Variants in GRK3 observed in about 807,000 individuals in gnomAD.
GRK3 encodes the protein G protein-coupled receptor kinase 3.
In GRK3, 54 loss-of-function variants were observed where a neutral mutation model predicts 95.7. The observed-to-expected ratio is 0.56, with a 90% CI of 0.45 to 0.71. The LOEUF is 0.71. Among genes scored for constraint, GRK3 ranks in the 30% least tolerant of loss-of-function variants. GRK3 has a pLI of 0.00. For missense variants in GRK3, 649 were observed against 851.2 expected, an observed-to-expected ratio of 0.76 and a Z score of 2.96; for synonymous variants, 281 against 290.8, an observed-to-expected ratio of 0.97 and a Z score of 0.34.
At chr22:25,631,697 G>A (rs2084665403) in intron 2 of GRK3, among the ~76,000 whole-genome samples, 1 of 152,166 alleles carries the variant, frequency 6.6e-6, no homozygotes, top group Non-Finnish European at 1.5e-5. Flanking sequence ...AAGATACAGA[G>A]CAGTTAGTTA....
intron 3 of GRK3, among the ~76,000 whole-genome samples, chr22:25,652,979 T>G (rs1050852139): frequency 2.0e-5 from 3 of 152,166 alleles, no homozygotes; most frequent in African/African-American, 7.2e-5. Context: ...CTTGTAAGCA[T>G]GCTCTGTGAT....
At chr22:25,676,790 A>C (rs2085033480) in intron 8 of GRK3, among the ~76,000 whole-genome samples, 1 of 152,134 alleles carries the variant, frequency 6.6e-6, no homozygotes, top group African/African-American at 2.4e-5. Flanking sequence ...ATATTCTTCT[A>C]TTCTATAGAT....
At chr22:25,719,946 A>G (rs1479008967) in intron 19 of GRK3, among the ~76,000 whole-genome samples, 2 of 152,208 alleles carry the variant, frequency 1.3e-5, no homozygotes, top group Non-Finnish European at 2.9e-5. Flanking sequence ...AAAAGAAAGA[A>G]GATCTTCCCA....
intron 1 of GRK3, among the ~76,000 whole-genome samples, chr22:25,571,139 C>A (rs1931687167): frequency 6.6e-6 from 1 of 152,114 alleles, no homozygotes; most frequent in East Asian, 1.9e-4. Context: ...TGAAAATAGC[C>A]AGCCCAGACC....
At chr22:25,645,702 C>T (rs1390462296) in intron 3 of GRK3, among the ~76,000 whole-genome samples, 1 of 152,114 alleles carries the variant, frequency 6.6e-6, no homozygotes, top group Non-Finnish European at 1.5e-5. Context: ...GCGGGTGGAT[C>T]ACGAGGTCAG....
intron 16 of GRK3, among the ~76,000 whole-genome samples, chr22:25,710,680 T>C (rs1196998312): frequency 6.6e-6 from 1 of 152,222 alleles, no homozygotes; most frequent in African/African-American, 2.4e-5. Context: ...CGTTTGCAGA[T>C]GTGCCCTGCT....
chr22:25,623,656 AT>A (rs1440145866), intron 2 of GRK3, among the ~76,000 whole-genome samples: 1 of 152,188 alleles, frequency 6.6e-6, no homozygotes, highest in Non-Finnish European at 1.5e-5. Context: ...ACACGCACAT[AT>A]GCACATGCAC....
chr22:25,596,579 C>T (rs1215581974), intron 1 of GRK3, among the ~76,000 whole-genome samples: 1 of 152,166 alleles, frequency 6.6e-6, no homozygotes, highest in Non-Finnish European at 1.5e-5. Flanking sequence ...AGTGACTTCT[C>T]ATAGCTAGGT....
At chr22:25,638,640 G>GATACATAGTAATA (rs1260018840) in intron 2 of GRK3, among the ~76,000 whole-genome samples, 2 of 152,098 alleles carry the variant, frequency 1.3e-5, no homozygotes, top group African/African-American at 4.8e-5. Flanking sequence ...AGTAATAGTG[G>GATACATAGTAATA]GGGGATACCC....
intron 2 of GRK3, among the ~76,000 whole-genome samples, chr22:25,631,144 C>G (rs1418702367): frequency 1.3e-5 from 2 of 152,194 alleles, no homozygotes; most frequent in African/African-American, 2.4e-5. Context: ...AGGGACATGA[C>G]ATCTTATGGG....
chr22:25,667,860 A>T, intron 6 of GRK3, 60 bp downstream of exon 6: 1 of 926,888 alleles, frequency 1.1e-6, no homozygotes, highest in Admixed American at 1.9e-5. Context: ...ACCTCATCTT[A>T]TGCCGTAAAT....
At chr22:25,603,140 C>T (rs1164045868) in intron 1 of GRK3, among the ~76,000 whole-genome samples, 1 of 152,278 alleles carries the variant, frequency 6.6e-6, no homozygotes, top group South Asian at 2.1e-4. Flanking sequence ...TGGTCTTGAA[C>T]TCCTGACCTC....
At chr22:25,588,357 T>G (rs1360017692) in intron 1 of GRK3, among the ~76,000 whole-genome samples, 1 of 152,234 alleles carries the variant, frequency 6.6e-6, no homozygotes, top group Non-Finnish European at 1.5e-5. Context: ...AATAAATTTG[T>G]AGTTAGCCTA....
intron 15 of GRK3, among the ~76,000 whole-genome samples, chr22:25,708,730 C>T (rs1381840837): frequency 6.6e-6 from 1 of 151,602 alleles, no homozygotes; most frequent in Non-Finnish European, 1.5e-5. Flanking sequence ...GGCACAATCT[C>T]GGCTCACTGC....
At chr22:25,627,527 C>A (rs1443691782) in intron 2 of GRK3, among the ~76,000 whole-genome samples, 2 of 152,196 alleles carry the variant, frequency 1.3e-5, no homozygotes, top group Admixed American at 1.3e-4. Context: ...GTTAATCTTT[C>A]CAAGTCTAGC....
chr22:25,696,180 A>T (rs1569199950), intron 13 of GRK3, among the ~76,000 whole-genome samples: 1 of 151,610 alleles, frequency 6.6e-6, no homozygotes. Context: ...AGGTCTTGCC[A>T]TGTTGCCCAG....
chr22:25,680,361 T>A (rs1025195505), intron 9 of GRK3, among the ~76,000 whole-genome samples: 1 of 152,248 alleles, frequency 6.6e-6, no homozygotes, highest in Non-Finnish European at 1.5e-5. Context: ...GGCTTTTAAT[T>A]TCTATTGGAA....
chr22:25,590,046 G>A (rs1038649870), intron 1 of GRK3, among the ~76,000 whole-genome samples: 2 of 152,180 alleles, frequency 1.3e-5, no homozygotes, highest in Non-Finnish European at 2.9e-5. Flanking sequence ...TAGAATTCAA[G>A]ATGAGATTTG....
At chr22:25,647,261 A>G in intron 3 of GRK3, 1 of 871,730 alleles carries the variant, frequency 1.1e-6, no homozygotes, top group South Asian at 1.4e-5. Flanking sequence ...CAGATTTGAT[A>G]ATGGGCTGCA....
Sources: gnomAD v4.1 joint callset for allele counts (sites outside exome capture counted in the v4.1 genomes callset) on GRCh38, gnomAD v4.1.1 for gene constraint, MANE v1.5 for transcripts, NCBI Gene and HGNC (gene_info 2026-07-23, HGNC 2026-07-21) for gene names.